The following UBOX5 variants were observed in gnomAD, a reference collection of about 807,000 sequenced individuals.
UBOX5 encodes RING finger protein 37.
A neutral mutation model predicts 39.0 loss-of-function variants in UBOX5; 28 were observed. That is an observed-to-expected ratio of 0.72 (90% CI 0.53 to 0.98). The LOEUF (loss-of-function observed/expected upper bound fraction) is 0.98, where lower values mean the gene tolerates loss of function less well. Ranked by LOEUF, UBOX5 falls within the 50% of genes least tolerant of loss-of-function variation. The probability of loss-of-function intolerance (pLI) is 0.00; values close to 1 mark genes in which losing one functional copy is unlikely to be tolerated. For missense variants in UBOX5, 585 were observed against 674.4 expected (o/e 0.87, Z 1.47); for synonymous variants, 283 against 275.5 (o/e 1.03, Z -0.27).
rs1228542201 is a variant in UBOX5, at chr20:3,109,941, C to G, written c.*165G>C. The G allele has an allele frequency of 1.3e-6, 1 of 773,280 alleles. No homozygotes were observed. The highest frequency in any genetic ancestry group is 1.8e-5 in the South Asian group (1 of 56,082). 47.9% of individuals were successfully genotyped at this position (773,280 alleles called of 1,614,324 possible). A position where few individuals can be genotyped will look rare whatever the true frequency, so the allele number is the denominator to read the frequency against. On this transcript the variant is annotated 3_prime_UTR_variant, in exon 5 of 5. Coordinates refer to ENST00000217173, the MANE Select transcript of UBOX5 (RefSeq NM_014948.4). ...GGCTTTGTTGCCCTATTGCCACCAG[C>G]GCAGAAGCAATGTGCTATACCGTGA...
chr20:3,157,642 C>T (rs2066700291), intron 1 of UBOX5, among the ~76,000 whole-genome samples: 1 of 152,178 alleles, frequency 6.6e-6, no homozygotes, highest in South Asian at 2.1e-4. Context: ...CTCCATATAA[C>T]AACAGGCAGT....
chr20:3,126,055 G>A (rs558960651), intron 1 of UBOX5, among the ~76,000 whole-genome samples: 13 of 152,364 alleles, frequency 8.5e-5, no homozygotes, highest in African/African-American at 1.2e-4. Context: ...TGACAATGGC[G>A]GTTTTGTCGA....
At chr20:3,148,979 C>T (rs1170955108) in intron 1 of UBOX5, 1 of 1,614,084 alleles carries the variant, frequency 6.2e-7, no homozygotes, top group African/African-American at 1.3e-5. Context: ...GCTCACATTC[C>T]AGTATGACAC....
intron 4 of UBOX5, chr20:3,110,578 G>A (rs899261266): frequency 6.0e-5 from 30 of 503,786 alleles, no homozygotes; most frequent in Non-Finnish European, 1.0e-4. Context: ...GCAGCAGGCA[G>A]GACTGGGCCC....
At chr20:3,124,040 C>T (rs560240200) in intron 1 of UBOX5, among the ~76,000 whole-genome samples, 4 of 152,026 alleles carry the variant, frequency 2.6e-5, no homozygotes, top group East Asian at 1.9e-4. Flanking sequence ...ATCTCTACAA[C>T]AAAACGTTGT....
chr20:3,115,092 C>A (rs1401861049), intron 4 of UBOX5, among the ~76,000 whole-genome samples: 4 of 152,154 alleles, frequency 2.6e-5, no homozygotes, highest in Non-Finnish European at 5.9e-5. Flanking sequence ...CTAAAGAAAG[C>A]CTTTCTTGTG....
intron 3 of UBOX5, among the ~76,000 whole-genome samples, 179 bp from the exon 4 acceptor site, chr20:3,115,645 A>ACACCGGCAGTTCCTGCCCATCC (rs1341399721): frequency 6.6e-6 from 1 of 152,056 alleles, no homozygotes; most frequent in Non-Finnish European, 1.5e-5. Context: ...AGCCCTAGGA[A>ACACCGGCAGTTCCTGCCCATCC]CACCGGCAGT....
intron 1 of UBOX5, among the ~76,000 whole-genome samples, chr20:3,158,144 T>C (rs1363185425): frequency 6.6e-6 from 1 of 152,028 alleles, no homozygotes; most frequent in Non-Finnish European, 1.5e-5. Flanking sequence ...GTTTTTTGTT[T>C]TTTTCGTAGA....
Position 3,121,980 on chromosome 20 carries a change from T to C in UBOX5, c.659A>G (p.Asp220Gly), listed in dbSNP as rs570587841. The C allele has an allele frequency of 6.2e-7, 1 of 1,614,108 alleles. No individual in the cohort carries two copies. The highest frequency in any genetic ancestry group is 8.5e-7 in the Non-Finnish European group (1 of 1,180,040). Residue 220 changes from aspartate to glycine, a missense_variant, in exon 3 of 5, where the codon GAT becomes GGT. Physicochemically the swap from Asp to Gly is moderately conservative, Grantham distance 94. Transcript: ENST00000217173. ...LLVTSENLPQ[D>G]VALQAPALPM... ...CAAGGCTGGAGCCTGCAGAGCCACA[T>C]CCTGAGGCAGGTTCTCTGAGGTGAC...
At chr20:3,136,003 A>G (rs1330022805) in intron 1 of UBOX5, 2 of 152,176 alleles carry the variant, frequency 1.3e-5, no homozygotes, top group African/African-American at 4.8e-5. Flanking sequence ...AACCTCCTAG[A>G]TGACAACAGC....
chr20:3,147,260 T>G (rs2066574525), intron 1 of UBOX5: 6 of 1,614,102 alleles, frequency 3.7e-6, no homozygotes, highest in African/African-American at 1.3e-5. Flanking sequence ...GGCTTCTCTA[T>G]TAAATGGTAA....
intron 1 of UBOX5, chr20:3,148,087 T>C (rs756194680): frequency 6.2e-7 from 1 of 1,614,142 alleles, no homozygotes. Context: ...GATTAGTACT[T>C]GATTTAAAGA....
chr20:3,159,146 G>A (rs145932951), intron 1 of UBOX5, among the ~76,000 whole-genome samples: 6 of 152,204 alleles, frequency 3.9e-5, no homozygotes, highest in Non-Finnish European at 8.8e-5. Flanking sequence ...TCTTACCCAC[G>A]GAAAGAAAAA....
intron 1 of UBOX5, chr20:3,147,456 G>A: frequency 6.2e-7 from 1 of 1,614,138 alleles, no homozygotes. Context: ...GACCCCTCTT[G>A]CTGAAGGTGA....
intron 3 of UBOX5, 43 bp from the exon 4 acceptor site, chr20:3,115,509 C>T (rs763004874): frequency 7.0e-6 from 11 of 1,560,876 alleles, no homozygotes; most frequent in East Asian, 4.6e-5. Context: ...AGACAGGCTC[C>T]GCAAAAGAGA....
At chr20:3,114,307 C>T (rs1370229591) in intron 4 of UBOX5, among the ~76,000 whole-genome samples, 2 of 151,740 alleles carry the variant, frequency 1.3e-5, no homozygotes, top group Non-Finnish European at 2.9e-5. Context: ...GTAGAGAAGG[C>T]AATTGGCAAT....
intron 3 of UBOX5, among the ~76,000 whole-genome samples, chr20:3,117,779 GTCAGGAGT>G (rs1460016680): frequency 6.6e-6 from 1 of 151,786 alleles, no homozygotes; most frequent in Non-Finnish European, 1.5e-5. Context: ...ATCACCTGAG[GTCAGGAGT>G]TCAAGACCAG....
intron 1 of UBOX5, chr20:3,148,982 T>TA: frequency 6.2e-7 from 1 of 1,614,202 alleles, no homozygotes; most frequent in Non-Finnish European, 8.5e-7. Flanking sequence ...CACATTCCAG[T>TA]ATGACACACT....
intron 1 of UBOX5, among the ~76,000 whole-genome samples, chr20:3,123,847 A>C (rs1253192915): frequency 6.6e-6 from 1 of 152,236 alleles, no homozygotes; most frequent in East Asian, 1.9e-4. Flanking sequence ...ATGTTTTCTT[A>C]TTAAAATGAA....
Sources: allele counts gnomAD v4.1 joint callset (sites outside exome capture counted in the v4.1 genomes callset), GRCh38; gene constraint gnomAD v4.1.1; transcripts MANE v1.5; gene names NCBI Gene and HGNC (gene_info 2026-07-23, HGNC 2026-07-21).